GALNT17: variants seen among roughly 807,000 people sequenced by gnomAD.
GALNT17 encodes the protein polypeptide N-acetylgalactosaminyltransferase 17, also known as UDP-GalNAc:polypeptide N-acetylgalactosaminyltransferase-like 3.
Under a neutral mutation model 63.7 loss-of-function variants are expected in GALNT17, and 29 were observed. The observed-to-expected ratio is 0.46, with a 90% confidence interval of 0.34 to 0.62. The LOEUF is 0.62. GALNT17 is among the 20% of genes least tolerant of loss of function. The pLI is 0.01. For synonymous variants in GALNT17, 305 were observed against 318.3 expected (o/e 0.96, Z 0.45); for missense variants, 603 against 799.6 (o/e 0.75, Z 2.97).
chr7:71,701,856 CACATATATATATACATATATATATGTAT>C (rs1562742513), intron 9 of GALNT17, among the ~76,000 whole-genome samples: 333 of 13,834 alleles, frequency 0.024, 4 homozygotes, highest in African/African-American at 0.07. Flanking sequence ...TATATATATA[CACATATATATATACATATATATATGTAT>C]ATATATATAT....
rs550412061 is a variant in GALNT17 at position 71,302,892 on chromosome 7, C to T, written c.239-32658C>T. Reference sequence around the variant, plus strand: ...TATTTACTTTTTTGAGACAGAGTCTCGTTCTGTCGCCCAGGCTGGAGTGGT... The same window carrying T: ...TATTTACTTTTTTGAGACAGAGTCTTGTTCTGTCGCCCAGGCTGGAGTGGT... On this transcript the variant is annotated intron_variant, in intron 1 of 10. Coordinates refer to ENST00000333538, the MANE Select transcript of GALNT17 (RefSeq NM_022479.3). 8.9e-4 allele frequency among the ~76,000 whole-genome samples: 135 copies of T among 152,234 alleles called. 1 individual carries two copies. Among genetic ancestry groups the T allele is most frequent in the Admixed American group, 1.7e-3 (26 of 15,282 alleles).
At chr7:71,689,899 C>A (rs1002065925) in intron 9 of GALNT17, among the ~76,000 whole-genome samples, 1 of 152,166 alleles carries the variant, frequency 6.6e-6, no homozygotes, top group African/African-American at 2.4e-5. Context: ...GCTCATTTAC[C>A]ATTTTGAAGA....
intron 1 of GALNT17, among the ~76,000 whole-genome samples, chr7:71,149,613 T>C (rs1251919974): frequency 6.6e-6 from 1 of 152,192 alleles, no homozygotes; most frequent in Non-Finnish European, 1.5e-5. Context: ...CTCTAAATTA[T>C]GCTGTGCGAG....
At chr7:71,321,866 CT>C (rs1381692525) in intron 1 of GALNT17, among the ~76,000 whole-genome samples, 69 of 73,290 alleles carry the variant, frequency 9.4e-4, no homozygotes, top group African/African-American at 1.4e-3. Context: ...TCCTTCCTTC[CT>C]TTCCTTCCTT....
intron 6 of GALNT17, among the ~76,000 whole-genome samples, chr7:71,630,288 G>C (rs1306027347): frequency 6.6e-6 from 1 of 152,146 alleles, no homozygotes; most frequent in Non-Finnish European, 1.5e-5. Flanking sequence ...GACCATTAAG[G>C]CTCAAGATAA....
intron 5 of GALNT17, among the ~76,000 whole-genome samples, chr7:71,496,508 G>A (rs539221893): frequency 2.6e-5 from 4 of 152,126 alleles, no homozygotes; most frequent in Non-Finnish European, 4.4e-5. Flanking sequence ...ACCCCTCTCC[G>A]CACAGACATC....
At chr7:71,287,316 C>T (rs1041670722) in intron 1 of GALNT17, among the ~76,000 whole-genome samples, 1 of 152,066 alleles carries the variant, frequency 6.6e-6, no homozygotes, top group Admixed American at 6.6e-5. Flanking sequence ...TCACAAACTC[C>T]TGGGCTCAAA....
chr7:71,695,406 C>T (rs1411619480), intron 9 of GALNT17, among the ~76,000 whole-genome samples: 1 of 152,170 alleles, frequency 6.6e-6, no homozygotes, highest in African/African-American at 2.4e-5. Context: ...AAGGGAGAAG[C>T]CAGCAGAGGA....
intron 1 of GALNT17, among the ~76,000 whole-genome samples, chr7:71,231,295 G>A (rs1789783742): frequency 6.6e-6 from 1 of 150,882 alleles, no homozygotes; most frequent in African/African-American, 2.4e-5. Flanking sequence ...TTGGGAGCTT[G>A]TTTACAATGC....
chr7:71,219,552 C>A (rs2116416687), intron 1 of GALNT17, among the ~76,000 whole-genome samples: 1 of 152,250 alleles, frequency 6.6e-6, no homozygotes, highest in Middle Eastern at 3.4e-3. Context: ...TCTTCCAACT[C>A]TTCTGGAGTT....
At chr7:71,570,772 G>A (rs889506831) in intron 5 of GALNT17, among the ~76,000 whole-genome samples, 3 of 152,058 alleles carry the variant, frequency 2.0e-5, no homozygotes, top group Admixed American at 6.6e-5. Flanking sequence ...CTGAGGTCAG[G>A]AGTTCGAGAC....
intron 1 of GALNT17, among the ~76,000 whole-genome samples, chr7:71,258,331 G>A (rs536468157): frequency 1.3e-5 from 2 of 152,340 alleles, no homozygotes; most frequent in African/African-American, 2.4e-5. Context: ...TCATGGTCAA[G>A]AGTGAACTCT....
At chr7:71,660,192 A>G (rs1790885811) in intron 6 of GALNT17, among the ~76,000 whole-genome samples, 1 of 151,822 alleles carries the variant, frequency 6.6e-6, no homozygotes, top group Admixed American at 6.6e-5. Flanking sequence ...GAGTCACCAC[A>G]CCTCCTGGAG....
intron 3 of GALNT17, among the ~76,000 whole-genome samples, chr7:71,405,103 T>A (rs187205350): frequency 6.6e-6 from 1 of 152,314 alleles, no homozygotes; most frequent in African/African-American, 2.4e-5. Flanking sequence ...TAGTCTGTAA[T>A]CAGAAGTGTG....
intron 4 of GALNT17, among the ~76,000 whole-genome samples, chr7:71,418,895 C>T (rs902318810): frequency 2.4e-4 from 37 of 152,042 alleles, no homozygotes; most frequent in Admixed American, 2.0e-3. Context: ...GTCAGGAGTT[C>T]GAGACCAGCC....
At chr7:71,698,123 C>CAAAAAA (rs10708106) in intron 9 of GALNT17, among the ~76,000 whole-genome samples, 19 of 107,450 alleles carry the variant, frequency 1.8e-4, no homozygotes, top group East Asian at 9.8e-4. Flanking sequence ...GACTCTGTCT[C>CAAAAAA]AAAAAAAAAA....
intron 2 of GALNT17, among the ~76,000 whole-genome samples, chr7:71,363,882 C>G (rs984829732): frequency 6.6e-6 from 1 of 152,180 alleles, no homozygotes; most frequent in African/African-American, 2.4e-5. Flanking sequence ...TTGGCCGAAA[C>G]TCAGTGATTG....
chr7:71,175,164 C>T (rs56007808), intron 1 of GALNT17, among the ~76,000 whole-genome samples: 7,563 of 151,828 alleles, frequency 0.05, 614 homozygotes, highest in African/African-American at 0.17. Context: ...TTCTTTCTTC[C>T]TTTCTTCCTT....
intron 8 of GALNT17, among the ~76,000 whole-genome samples, chr7:71,675,422 G>A (rs999130440): frequency 6.6e-5 from 10 of 152,226 alleles, no homozygotes; most frequent in Admixed American, 2.6e-4. Context: ...AAATCATGAC[G>A]TAAAGCAAAT....
Sources: allele counts gnomAD v4.1 joint callset (sites outside exome capture counted in the v4.1 genomes callset), GRCh38; gene constraint gnomAD v4.1.1; transcripts MANE v1.5; gene names NCBI Gene and HGNC (gene_info 2026-07-23, HGNC 2026-07-21).